Variants in SPRED1 observed in about 807,000 individuals in gnomAD.
The protein encoded by SPRED1 is sprouty-related, EVH1 domain-containing protein 1.
A neutral mutation model predicts 52.3 loss-of-function variants in SPRED1; 18 were observed. The ratio of observed to expected loss-of-function variants is 0.34; its 90% CI spans 0.24 to 0.51. The LOEUF is 0.51. Ranked by LOEUF, SPRED1 falls within the 20% of genes least tolerant of loss-of-function variation. The probability of loss-of-function intolerance (pLI) is 0.97; values close to 1 mark genes in which losing one functional copy is unlikely to be tolerated. For missense variants in SPRED1, 485 were observed against 551.0 expected, an observed-to-expected ratio of 0.88 and a Z score of 1.20; for synonymous variants, 155 against 179.7, an observed-to-expected ratio of 0.86 and a Z score of 1.10.
At chr15:38,303,757 C>A (rs1895195945) in intron 2 of SPRED1, among the ~76,000 whole-genome samples, 1 of 151,918 alleles carries the variant, frequency 6.6e-6, no homozygotes. Flanking sequence ...TAAGGTATGA[C>A]AAAAGAATAG....
At chr15:38,261,562 T>G (rs1894206289) in intron 1 of SPRED1, among the ~76,000 whole-genome samples, 1 of 152,014 alleles carries the variant, frequency 6.6e-6, no homozygotes, top group Admixed American at 6.6e-5. Context: ...TTTGTTTTTG[T>G]TTTTGTTTTT....
intron 2 of SPRED1, among the ~76,000 whole-genome samples, chr15:38,300,877 T>C (rs1374938186): frequency 6.6e-6 from 1 of 152,186 alleles, no homozygotes; most frequent in Non-Finnish European, 1.5e-5. Flanking sequence ...TATGATGGTA[T>C]AATGCTTCTG....
intron 1 of SPRED1, among the ~76,000 whole-genome samples, chr15:38,260,858 G>C (rs986413372): frequency 6.6e-6 from 1 of 152,120 alleles, no homozygotes; most frequent in Non-Finnish European, 1.5e-5. Context: ...CAAAGATAGA[G>C]ATATAAAATA....
Position 38,356,601 on chromosome 15 carries a change from A to C in SPRED1, c.*4937A>C, listed in dbSNP as rs143932642. The stretch of plus-strand genomic sequence containing the variant: ...TAAACTGAAAGTTCACATATAGTTC[A>C]TCTTAATAACATATTTATTCATCCT... On this transcript the variant is annotated 3_prime_UTR_variant, in exon 7 of 7. Transcript: ENST00000299084. 9.9e-4 allele frequency: 150 copies of C among 152,200 alleles called. No individual in the cohort carries two copies. Among genetic ancestry groups the C allele is most frequent in the African/African-American group, 3.4e-3 (143 of 41,562 alleles). The allele number at this position is 152,200 out of a possible 1,614,324, so 9.4% of individuals were successfully genotyped here.
intron 5 of SPRED1, among the ~76,000 whole-genome samples, chr15:38,347,335 A>G (rs1469726649): frequency 6.6e-6 from 1 of 151,920 alleles, no homozygotes; most frequent in Non-Finnish European, 1.5e-5. Context: ...TATATGTTTG[A>G]GTCTGTTTCT....
intron 1 of SPRED1, among the ~76,000 whole-genome samples, chr15:38,288,421 A>G (rs1894852836): frequency 6.6e-6 from 1 of 152,196 alleles, no homozygotes; most frequent in Non-Finnish European, 1.5e-5. Flanking sequence ...ACAGACAATA[A>G]ATAAATAAAT....
rs145774315 is a variant in SPRED1 at position 38,267,213 on chromosome 15, G to A, written c.32+13996G>A. Among the ~76,000 whole-genome samples, 346 of 143,620 alleles carry A rather than the reference G, an allele frequency of 2.4e-3. 1 individual carries two copies. Among genetic ancestry groups the A allele is most frequent in the Admixed American group, 6.0e-3 (83 of 13,784 alleles). 94.2% of individuals were successfully genotyped at this position (143,620 alleles called of 152,430 possible). The stretch of plus-strand genomic sequence containing the variant: ...ATATACTTAATATAAAGACTTAGGC[G>A]TATATCTAGTTTTTAAATAATCATT... On this transcript the variant is annotated intron_variant, in intron 1 of 6. Coordinates refer to ENST00000299084, the MANE Select transcript of SPRED1 (RefSeq NM_152594.3).
chr15:38,317,607 G>A (rs1052557215), intron 2 of SPRED1, among the ~76,000 whole-genome samples: 1 of 151,910 alleles, frequency 6.6e-6, no homozygotes, highest in Non-Finnish European at 1.5e-5. Context: ...TTAATACAGT[G>A]AAAACTACAT....
At chr15:38,310,153 G>GTGTTTGTGTGTGTGTGTT (rs373463622) in intron 2 of SPRED1, among the ~76,000 whole-genome samples, 3 of 132,188 alleles carry the variant, frequency 2.3e-5, no homozygotes, top group Non-Finnish European at 4.7e-5. Context: ...GTGTGTGTGT[G>GTGTTTGTGTGTGTGTGTT]TTTGGAGACG....
intron 5 of SPRED1, 40 bp downstream of exon 5, chr15:38,339,935 G>T: frequency 6.2e-7 from 1 of 1,612,636 alleles, no homozygotes; most frequent in Non-Finnish European, 8.5e-7. Flanking sequence ...TTGTTTATAT[G>T]TGTAGAAATT....
At chr15:38,336,426 A>ATATATATAATATTATATATATGT (rs1895919986) in intron 4 of SPRED1, among the ~76,000 whole-genome samples, 9 of 138,476 alleles carry the variant, frequency 6.5e-5, no homozygotes, top group African/African-American at 2.4e-4. Context: ...GTGTGTGTAT[A>ATATATATAATATTATATATATGT]TATATATATA....
chr15:38,284,700 CTT>C (rs987795678), intron 1 of SPRED1, among the ~76,000 whole-genome samples: 2 of 151,870 alleles, frequency 1.3e-5, no homozygotes, highest in Admixed American at 1.3e-4. Context: ...GATGGATAGA[CTT>C]TTACTTCACT....
intron 6 of SPRED1, among the ~76,000 whole-genome samples, chr15:38,350,768 C>T (rs1315603356): frequency 6.6e-6 from 1 of 152,166 alleles, no homozygotes. Flanking sequence ...TCTTCTTGCT[C>T]AGGGGGAGCT....
intron 4 of SPRED1, among the ~76,000 whole-genome samples, chr15:38,337,672 A>G (rs1482104324): frequency 6.6e-6 from 1 of 152,156 alleles, no homozygotes; most frequent in African/African-American, 2.4e-5. Context: ...GAATAACCCA[A>G]CTCAGTACAG....
chr15:38,269,905 C>CTTTT (rs10566946), intron 1 of SPRED1, among the ~76,000 whole-genome samples: 15 of 92,004 alleles, frequency 1.6e-4, no homozygotes, highest in African/African-American at 5.7e-4. Context: ...TTCTTTCTTT[C>CTTTT]TTTTTTTTTT....
At chr15:38,342,716 T>C (rs1052792888) in intron 5 of SPRED1, among the ~76,000 whole-genome samples, 1 of 152,154 alleles carries the variant, frequency 6.6e-6, no homozygotes, top group South Asian at 2.1e-4. Context: ...ATAATATCTT[T>C]ATTGTTTTCA....
intron 1 of SPRED1, among the ~76,000 whole-genome samples, chr15:38,264,348 G>A (rs1894261165): frequency 6.6e-6 from 1 of 152,174 alleles, no homozygotes; most frequent in Admixed American, 6.5e-5. Context: ...GAAAAAATTA[G>A]CTTGAAGTGG....
In SPRED1 at chr15:38,355,365, A is replaced by G. The variant is rs574179000; in HGVS notation, c.*3701A>G. On this transcript the variant is annotated 3_prime_UTR_variant, in exon 7 of 7. Transcript: ENST00000299084. ...AGCAGTGCCTAAAATGAGCTTTTGA[A>G]GTAATGTAAATGCACTTTCAATTCA... The G allele has an allele frequency of 2.0e-5, 3 of 152,352 alleles. No homozygotes were observed. The East Asian group carries it at 5.8e-4, about 29-fold the overall frequency. The allele number at this position is 152,352 out of a possible 1,614,324, so 9.4% of individuals were successfully genotyped here.
intron 1 of SPRED1, among the ~76,000 whole-genome samples, chr15:38,293,683 T>G (rs1389441936): frequency 6.6e-6 from 1 of 152,170 alleles, no homozygotes; most frequent in Non-Finnish European, 1.5e-5. Flanking sequence ...GTGGTCTCTT[T>G]ATCGTGATAA....
Sources: allele counts gnomAD v4.1 joint callset (sites outside exome capture counted in the v4.1 genomes callset), GRCh38; gene constraint gnomAD v4.1.1; transcripts MANE v1.5; gene names NCBI Gene and HGNC (gene_info 2026-07-23, HGNC 2026-07-21).